Variants in SHLD2 observed in about 807,000 individuals in gnomAD.
SHLD2 encodes the protein shieldin complex subunit 2.
Under a neutral mutation model 73.2 loss-of-function variants are expected in SHLD2, and 30 were observed. The observed-to-expected ratio is 0.41, with a 90% CI of 0.31 to 0.56. The LOEUF (loss-of-function observed/expected upper bound fraction) is 0.56, where lower values mean the gene tolerates loss of function less well. Ranked by LOEUF, SHLD2 falls within the 20% of genes least tolerant of loss-of-function variation. The probability of loss-of-function intolerance (pLI) is 0.28; values close to 1 mark genes in which losing one functional copy is unlikely to be tolerated. For synonymous variants in SHLD2, 285 were observed against 370.1 expected (o/e 0.77, Z 2.64); for missense variants, 745 against 1,055.9 (o/e 0.71, Z 4.08).
intron 4 of SHLD2, among the ~76,000 whole-genome samples, chr10:87,161,155 T>TA (rs1846785755): frequency 6.6e-6 from 1 of 152,140 alleles, no homozygotes; most frequent in African/African-American, 2.4e-5. Flanking sequence ...AAATTAGTGT[T>TA]AAAAAATATC....
chr10:87,094,853 C>T, upstream of SHLD2: 1 of 1,131,346 alleles, frequency 8.8e-7, no homozygotes, highest in Non-Finnish European at 1.2e-6. The surrounding 1 kb of genome is among the most constrained non-coding windows in gnomAD (Gnocchi z 6.6). Context: ...GGAAGGGTCC[C>T]GCGCGGGTTG....
chr10:87,094,480 T>C, upstream of SHLD2: 1 of 1,613,668 alleles, frequency 6.2e-7, no homozygotes, highest in Admixed American at 1.7e-5. The surrounding 1 kb of genome is among the most constrained non-coding windows in gnomAD (Gnocchi z 6.6). Context: ...GTTCCGCTTC[T>C]GCTCCTCGCT....
intron 7 of SHLD2, among the ~76,000 whole-genome samples, chr10:87,178,113 G>A (rs1361482347): frequency 1.3e-5 from 2 of 151,578 alleles, no homozygotes; most frequent in African/African-American, 2.4e-5. Flanking sequence ...TCGGGTGCCT[G>A]TAGTCCCAGC....
chr10:87,186,827 T>C (rs1277200730), intron 8 of SHLD2, among the ~76,000 whole-genome samples: 2 of 151,806 alleles, frequency 1.3e-5, no homozygotes, highest in Admixed American at 6.5e-5. Flanking sequence ...AACAGTTTAA[T>C]ATATTTTTAT....
chr10:87,176,150 C>T, intron 7 of SHLD2, 55 bp downstream of exon 7: 1 of 1,545,218 alleles, frequency 6.5e-7, no homozygotes, highest in Non-Finnish European at 8.7e-7. Flanking sequence ...GAAACAGGGT[C>T]TTGCTCTGTT....
At chr10:87,121,518 T>G (rs2181524) in intron 2 of SHLD2, among the ~76,000 whole-genome samples, 48,053 of 151,550 alleles carry the variant, frequency 0.32, 8,368 homozygotes, top group East Asian at 0.74. Flanking sequence ...TAATAGTATG[T>G]GTAAAACATC....
chr10:87,125,800 G>T (rs1459429596), intron 2 of SHLD2, among the ~76,000 whole-genome samples: 1 of 152,088 alleles, frequency 6.6e-6, no homozygotes, highest in Admixed American at 6.5e-5. Context: ...GGTGGCGGGT[G>T]CCTGTAATCC....
chr10:87,108,184 G>A (rs1421609451), intron 2 of SHLD2, among the ~76,000 whole-genome samples: 1 of 152,098 alleles, frequency 6.6e-6, no homozygotes, highest in African/African-American at 2.4e-5. Flanking sequence ...CAAGTAGCTG[G>A]GATTACAGGC....
rs993010492 is a variant in SHLD2, at chr10:87,158,045, T to C, written c.1526-3T>C. 2.5e-6 allele frequency: 4 copies of C among 1,610,730 alleles called. No homozygotes were observed. The African/African-American group carries it at 5.3e-5, about 22-fold the overall frequency. ...ATGATCAGAACGTTTTTTCTCTCTC[T>C]AGATGTTGTTATTCATGAGGACCAA... On this transcript the variant is annotated splice_polypyrimidine_tract_variant and splice_region_variant and intron_variant, in intron 3 of 9. Coordinates refer to ENST00000298786, the MANE Select transcript of SHLD2 (RefSeq NM_001330112.2).
chr10:87,162,836 G>A (rs775454447), intron 4 of SHLD2, among the ~76,000 whole-genome samples: 6 of 152,122 alleles, frequency 3.9e-5, no homozygotes, highest in South Asian at 2.1e-4. Flanking sequence ...TTCTGTTGGC[G>A]CAACTGTGAG....
Position 87,152,729 on chromosome 10 carries a change from A to C in SHLD2, c.1375A>C (p.Ile459Leu). 6.2e-7 allele frequency: 1 copy of C among 1,612,002 alleles called. No individual in the cohort carries two copies. Among genetic ancestry groups the C allele is most frequent in the Non-Finnish European group, 8.5e-7 (1 of 1,179,856 alleles). The change falls in exon 3 of 10, where the codon ATA (isoleucine) becomes CTA (leucine). Residue 459 changes from isoleucine to leucine, a missense_variant. Ile to Leu is a conservative substitution (Grantham distance 5). Around this residue, in one of 5 missense-constraint regions of SHLD2, gnomAD observed 418 missense variants for 567.8 expected, o/e 0.74. Coordinates refer to ENST00000298786, the MANE Select transcript of SHLD2 (RefSeq NM_001330112.2). The part of the protein sequence containing the change: ...LSPCHVKEIN[I>L]KFGPNSGSKV... The stretch of plus-strand genomic sequence containing the variant: ...TCCATGCCATGTGAAGGAAATAAAC[A>C]TAAAATTCGGACCAAATTCTGGCTC...
intron 2 of SHLD2, among the ~76,000 whole-genome samples, chr10:87,123,695 G>T (rs1255678825): frequency 6.6e-6 from 1 of 152,198 alleles, no homozygotes; most frequent in Non-Finnish European, 1.5e-5. Flanking sequence ...GGTGGGGTCT[G>T]TTGAGAGGTG....
At chr10:87,189,185 G>A (rs977230796) in intron 9 of SHLD2, among the ~76,000 whole-genome samples, 1 of 152,100 alleles carries the variant, frequency 6.6e-6, no homozygotes, top group African/African-American at 2.4e-5. Context: ...ATTTTTAGTA[G>A]ATATGGGGTT....
intron 4 of SHLD2, among the ~76,000 whole-genome samples, chr10:87,164,698 A>G (rs1847076373): frequency 6.6e-6 from 1 of 151,936 alleles, no homozygotes; most frequent in African/African-American, 2.4e-5. Context: ...CTGAAGGAAC[A>G]CCTACTGGCT....
At chr10:87,100,418 G>A (rs1025394018) in intron 2 of SHLD2, among the ~76,000 whole-genome samples, 1 of 151,418 alleles carries the variant, frequency 6.6e-6, no homozygotes, top group South Asian at 2.1e-4. Context: ...ATATCTGGAC[G>A]CCAGTTCAGT....
chr10:87,182,168 T>C (rs975187882), intron 8 of SHLD2, among the ~76,000 whole-genome samples: 1 of 152,230 alleles, frequency 6.6e-6, no homozygotes, highest in Non-Finnish European at 1.5e-5. Flanking sequence ...AGTATGTGAC[T>C]CCAAAATCAT....
intron 2 of SHLD2, among the ~76,000 whole-genome samples, chr10:87,107,880 T>A (rs1488922567): frequency 6.6e-6 from 1 of 151,894 alleles, no homozygotes; most frequent in Non-Finnish European, 1.5e-5. Flanking sequence ...GAGATGACTT[T>A]TTGTTTGTTT....
intron 2 of SHLD2, among the ~76,000 whole-genome samples, chr10:87,120,063 A>G (rs1472802095): frequency 6.6e-6 from 1 of 151,770 alleles, no homozygotes; most frequent in African/African-American, 2.4e-5. Flanking sequence ...CCCCCTAGTA[A>G]GCACTAGTGA....
Position 87,150,036 on chromosome 10 carries a change from CACCATGGCTGGCCA to C in SHLD2, c.-5-1312_-5-1299del, listed in dbSNP as rs1845899352. On this transcript the variant is annotated intron_variant, in intron 2 of 9. Coordinates refer to ENST00000298786, the MANE Select transcript of SHLD2 (RefSeq NM_001330112.2). ...AAGTGCTGGGATTACCGGTGTGAGC[CACCATGGCTGGCCA>C]AAAATGAGTAATTTTTTTTTTTTTT... Among the ~76,000 whole-genome samples the C allele has an allele frequency of 4.0e-5, 6 of 151,816 alleles. No homozygotes were observed. In the South Asian group the frequency reaches 1.0e-3, roughly 26 times the overall value.
Sources: gnomAD v4.1 joint callset for allele counts (sites outside exome capture counted in the v4.1 genomes callset) on GRCh38, gnomAD v4.1.1 for gene constraint, gnomAD v4.1.1 regional missense constraint, Gnocchi (gnomAD v3.1) non-coding constraint, MANE v1.5 for transcripts, NCBI Gene and HGNC (gene_info 2026-07-23, HGNC 2026-07-21) for gene names.